Variants in FLT3 observed in about 807,000 individuals in gnomAD.
The protein encoded by FLT3 is receptor-type tyrosine-protein kinase FLT3.
A neutral mutation model predicts 126.6 loss-of-function variants in FLT3; 46 were observed. That is an observed-to-expected ratio of 0.36 (90% CI 0.29 to 0.46). FLT3 has a LOEUF of 0.46. Ranked by LOEUF, FLT3 falls within the 20% of genes least tolerant of loss-of-function variation. The pLI, the probability that FLT3 is intolerant of heterozygous loss-of-function variation, is 1.00. For synonymous variants in FLT3, 404 were observed against 434.4 expected, an observed-to-expected ratio of 0.93 and a Z score of 0.87; for missense variants, 1,069 against 1,190.3, an observed-to-expected ratio of 0.90 and a Z score of 1.50.
At chr13:28,063,099 G>A (rs182691405) in intron 2 of FLT3, among the ~76,000 whole-genome samples, 2 of 152,214 alleles carry the variant, frequency 1.3e-5, no homozygotes, top group Admixed American at 1.3e-4. Flanking sequence ...TGGTATCTGT[G>A]TTAGAGGAAA....
In FLT3 at chr13:28,033,878, A is replaced by G. The variant is rs2137672135; in HGVS notation, c.1942+9T>C. On this transcript the variant is annotated intron_variant, in intron 15 of 23. Transcript: ENST00000241453. ...GCATCTTTGTTGCTGTCCTTCCACT[A>G]TACTGTACCTTTCAGCATTTTGACG... 2 of 1,605,404 alleles carry G rather than the reference A, an allele frequency of 1.2e-6. No individual in the cohort carries two copies. Among genetic ancestry groups the G allele is most frequent in the African/African-American group, 1.3e-5 (1 of 74,816 alleles).
rs966808635 is a variant in FLT3 at position 28,070,388 on chromosome 13, A to C, written c.165+103T>G. 2.3e-5 allele frequency: 21 copies of C among 914,344 alleles called. No homozygotes were observed. In the Middle Eastern group the frequency reaches 7.6e-4, roughly 33 times the overall value. The allele number at this position is 914,344 out of a possible 1,614,324, so 56.6% of individuals were successfully genotyped here. ...AGATGTGAGGCCATAATATACTTAAATACATAAAGAGAAGCCCATTTAGCC... is the reference window on the plus strand; with the variant it reads ...AGATGTGAGGCCATAATATACTTAACTACATAAAGAGAAGCCCATTTAGCC... On this transcript the variant is annotated intron_variant, in intron 2 of 23. Coordinates refer to ENST00000241453, the MANE Select transcript of FLT3 (RefSeq NM_004119.3).
In FLT3 at chr13:28,015,581, C is replaced by G. The variant is rs750150820; in HGVS notation, c.2653+9G>C. The G allele has an allele frequency of 3.8e-6, 6 of 1,569,786 alleles. No homozygotes were observed. The South Asian group carries it at 5.6e-5, about 15-fold the overall frequency. On this transcript the variant is annotated intron_variant, in intron 21 of 23. Transcript: ENST00000241453. ...GGAGCCAAGGGAGGCCAGCAGCTGC[C>G]CAACTTACCAAGTGAGAAGATTTCC...
intron 23 of FLT3, among the ~76,000 whole-genome samples, chr13:28,007,252 T>C (rs1310366922): frequency 6.6e-6 from 1 of 152,186 alleles, no homozygotes; most frequent in African/African-American, 2.4e-5. Flanking sequence ...TTATTTGTGC[T>C]TTTTTCTTTT....
At chr13:28,026,829 A>G (rs1181314866) in intron 17 of FLT3, among the ~76,000 whole-genome samples, 1 of 152,150 alleles carries the variant, frequency 6.6e-6, no homozygotes, top group Non-Finnish European at 1.5e-5. Context: ...CTTTCCCCAA[A>G]CCAAATAGGC....
intron 4 of FLT3, among the ~76,000 whole-genome samples, chr13:28,054,475 A>T (rs375703392): frequency 6.7e-4 from 102 of 152,062 alleles, no homozygotes; most frequent in African/African-American, 2.3e-3. Context: ...TAATCCCAGC[A>T]CTTAGGGAGG....
chr13:28,004,888 A>G (rs974414142), intron 23 of FLT3, among the ~76,000 whole-genome samples: 2 of 152,214 alleles, frequency 1.3e-5, no homozygotes, highest in Non-Finnish European at 2.9e-5. Flanking sequence ...TCTGTTCATT[A>G]TGGAGTTAAT....
At chr13:28,039,548 C>CT (rs10564719) in intron 9 of FLT3, among the ~76,000 whole-genome samples, 13,209 of 120,600 alleles carry the variant, frequency 0.11, 1,353 homozygotes, top group African/African-American at 0.25. Flanking sequence ...TGCAATAAAA[C>CT]TTTTTTTTTT....
rs111892726 is a variant in FLT3, at chr13:28,014,455, T to C, written c.2856A>G (p.Glu952=). 4 of 1,609,436 alleles carry C rather than the reference T, an allele frequency of 2.5e-6. No individual in the cohort carries two copies. The highest frequency in any genetic ancestry group is 3.4e-6 in the Non-Finnish European group (4 of 1,175,912). ...TAAAGTCCTGGCTGCTACATACCGC[T>C]TCTTCTGCATCTGCCAGCTGACATC... ...FLGCQLADAE[E]AMYQNVDGRV... is the part of the protein sequence containing the mutation. The change falls in exon 23 of 24, where the codon GAA becomes GAG. Residue 952 remains glutamate (E), a synonymous_variant. Coordinates refer to ENST00000241453, the MANE Select transcript of FLT3 (RefSeq NM_004119.3).
In FLT3 at chr13:28,062,743, C is replaced by CAAA. The variant is rs59718306; in HGVS notation, c.166-677_166-675dup. ...TGGGCAACAGAGTGAAACTCTGTCTCAAAAAAAAAAAAAAAAGAGGAGATT... is the reference window on the plus strand; with the variant it reads ...TGGGCAACAGAGTGAAACTCTGTCTCAAAAAAAAAAAAAAAAAAAGAGGAGATT... On this transcript the variant is annotated intron_variant, in intron 2 of 23. Transcript: ENST00000241453. 4.9e-4 allele frequency among the ~76,000 whole-genome samples: 44 copies of CAAA among 89,986 alleles called. 3 individuals carry two copies. The highest frequency in any genetic ancestry group is 1.5e-3 in the African/African-American group (32 of 20,988). The allele number at this position is 89,986 out of a possible 152,430, so 59.0% of individuals were successfully genotyped here.
intron 1 of FLT3, among the ~76,000 whole-genome samples, chr13:28,095,826 C>A (rs778084718): frequency 6.6e-6 from 1 of 151,986 alleles, no homozygotes; most frequent in Non-Finnish European, 1.5e-5. Flanking sequence ...CACAAAGAAC[C>A]GTGGATATGT....
At chr13:28,033,412 C>T (rs9554223) in intron 15 of FLT3, among the ~76,000 whole-genome samples, 20,050 of 152,174 alleles carry the variant, frequency 0.13, 2,528 homozygotes, top group African/African-American at 0.33. Flanking sequence ...GCCTGTAATC[C>T]CAACACTTTG....
At position 28,062,081 on chromosome 13, in the gene FLT3, A is replaced by T. The variant is rs374170692; in HGVS notation, c.166-12T>A. 1 of 1,608,044 alleles carries T rather than the reference A, an allele frequency of 6.2e-7. No individual in the cohort carries two copies. Among genetic ancestry groups the T allele is most frequent in the African/African-American group, 1.3e-5 (1 of 74,746 alleles). Reference sequence around the variant, plus strand: ...GGGGATTCTGATACCTACGTTGCAGATAGAACAAAGTGAATTCATGAAAAC... The same window carrying T: ...GGGGATTCTGATACCTACGTTGCAGTTAGAACAAAGTGAATTCATGAAAAC... On this transcript the variant is annotated splice_polypyrimidine_tract_variant and intron_variant, in intron 2 of 23. Transcript: ENST00000241453.
intron 1 of FLT3, among the ~76,000 whole-genome samples, chr13:28,092,590 A>G (rs1254409367): frequency 6.6e-6 from 1 of 151,888 alleles, no homozygotes; most frequent in Non-Finnish European, 1.5e-5. Flanking sequence ...CTCTATCACC[A>G]TTACCCTAAT....
chr13:28,015,068 G>A (rs1417505393), intron 22 of FLT3, 89 bp downstream of exon 22: 1 of 760,140 alleles, frequency 1.3e-6, no homozygotes, highest in African/African-American at 1.8e-5. Context: ...TTTGCACTAA[G>A]GAGTTTGACT....
chr13:28,046,190 T>A (rs567596772), intron 9 of FLT3, among the ~76,000 whole-genome samples: 1 of 152,148 alleles, frequency 6.6e-6, no homozygotes, highest in Non-Finnish European at 1.5e-5. Context: ...CCCAGACCAG[T>A]CTGCATTCTT....
chr13:28,056,558 T>A (rs1876017343), intron 4 of FLT3, among the ~76,000 whole-genome samples: 1 of 151,920 alleles, frequency 6.6e-6, no homozygotes, highest in Non-Finnish European at 1.5e-5. Flanking sequence ...TAGCACGGAG[T>A]CTGTGCATGA....
intron 19 of FLT3, among the ~76,000 whole-genome samples, chr13:28,021,305 G>A (rs533781918): frequency 2.0e-5 from 3 of 152,270 alleles, no homozygotes; most frequent in South Asian, 2.1e-4. Context: ...CAGGAGGATC[G>A]CTTGAACCTG....
rs1872083978 is a variant in FLT3 at position 28,018,472 on chromosome 13, C to T, written c.2536G>A (p.Gly846Ser). Residue 846 changes from glycine (G) to serine (S), a missense_variant, in exon 20 of 24, where the codon GGC (glycine) becomes AGC (serine). Physicochemically the swap from Gly to Ser is moderately conservative, Grantham distance 56 (BLOSUM62 0). Coordinates refer to ENST00000241453, the MANE Select transcript of FLT3 (RefSeq NM_004119.3). Reference sequence around the variant, plus strand: ...GTAGGAAATAGCAGCCTCACATTGCCCCTGACAACATAGTTGGAATCACTC... The same window carrying T: ...GTAGGAAATAGCAGCCTCACATTGCTCCTGACAACATAGTTGGAATCACTC... ...IMSDSNYVVRGNARLPVKWMA... is the reference protein window; with the variant it reads ...IMSDSNYVVRSNARLPVKWMA... The T allele has an allele frequency of 1.2e-6, 2 of 1,613,974 alleles. No homozygotes were observed. Among genetic ancestry groups the T allele is most frequent in the Admixed American group, 1.7e-5 (1 of 60,010 alleles).
Sources: gnomAD v4.1 joint callset for allele counts (sites outside exome capture counted in the v4.1 genomes callset) on GRCh38, gnomAD v4.1.1 for gene constraint, MANE v1.5 for transcripts, NCBI Gene and HGNC (gene_info 2026-07-23, HGNC 2026-07-21) for gene names.